Variants in PDE1C observed in about 807,000 individuals in gnomAD.
PDE1C encodes phosphodiesterase 1C, also known as dual specificity calcium/calmodulin-dependent 3',5'-cyclic nucleotide phosphodiesterase 1C.
Under a neutral mutation model 93.1 loss-of-function variants are expected in PDE1C, and 62 were observed. That is an observed-to-expected ratio of 0.67 (90% confidence interval 0.54 to 0.82). The LOEUF (loss-of-function observed/expected upper bound fraction) is 0.82, where lower values mean the gene tolerates loss of function less well. Ranked by LOEUF, PDE1C falls within the 40% of genes least tolerant of loss-of-function variation. The pLI, the probability that PDE1C is intolerant of heterozygous loss-of-function variation, is 0.00. For missense variants in PDE1C, 742 were observed against 884.6 expected (o/e 0.84, Z 2.04); for synonymous variants, 325 against 310.1 (o/e 1.05, Z -0.50).
Position 32,050,119 on chromosome 7 carries a change from C to T in PDE1C, c.128+1435G>A, listed in dbSNP as rs560597942. On this transcript the variant is annotated intron_variant, in intron 2 of 17. Coordinates refer to ENST00000396191, the MANE Select transcript of PDE1C (RefSeq NM_001191057.4). ...AACATAGAAAAGCTAATGCATTGTACTACAATGTTACTGCAGCTACTATGT... is the reference window on the plus strand; with the variant it reads ...AACATAGAAAAGCTAATGCATTGTATTACAATGTTACTGCAGCTACTATGT... 2.0e-5 allele frequency among the ~76,000 whole-genome samples: 3 copies of T among 152,288 alleles called. No homozygotes were observed. In the East Asian group the frequency reaches 5.8e-4, roughly 29 times the overall value.
chr7:32,119,255 A>G (rs919912878), intron 3 of PDE1C, among the ~76,000 whole-genome samples: 2 of 152,120 alleles, frequency 1.3e-5, no homozygotes, highest in Non-Finnish European at 2.9e-5. Flanking sequence ...CTAAGCCAAA[A>G]CTGCCAGCTG....
intron 2 of PDE1C, among the ~76,000 whole-genome samples, chr7:32,000,181 G>A (rs941735283): frequency 1.3e-5 from 2 of 152,154 alleles, no homozygotes; most frequent in African/African-American, 4.8e-5. Flanking sequence ...TCACCGCTCA[G>A]GAAAGGGGGG....
At chr7:31,836,035 C>T (rs1176984978) in intron 11 of PDE1C, among the ~76,000 whole-genome samples, 2 of 152,222 alleles carry the variant, frequency 1.3e-5, no homozygotes, top group African/African-American at 4.8e-5. Flanking sequence ...TCAGAAGTCT[C>T]TGAATCCATG....
intron 1 of PDE1C, among the ~76,000 whole-genome samples, chr7:32,364,688 G>A (rs1006088921): frequency 6.6e-6 from 1 of 152,210 alleles, no homozygotes; most frequent in African/African-American, 2.4e-5. Context: ...CTTATCTCCT[G>A]TAAGCCACTC....
the PDE1C span, among the ~76,000 whole-genome samples, chr7:31,728,656 C>T: frequency 1.3e-5 from 2 of 152,240 alleles, no homozygotes; most frequent in African/African-American, 4.8e-5. Context: ...CCAGCCTTCC[C>T]TGAGTTCACA....
In PDE1C at chr7:32,243,754, T is replaced by C. The variant is rs547103884; in HGVS notation, c.86-34215A>G. ...AGTTTCTCTGCATGTAAAGGTGGAG[T>C]ATAATAATATCTGCATTTGAAGATA... On this transcript the variant is annotated intron_variant, in intron 1 of 18. Transcript: ENST00000396193. Among the ~76,000 whole-genome samples, 3 of 152,216 alleles carry C rather than the reference T, an allele frequency of 2.0e-5. No homozygotes were observed. In the East Asian group the frequency reaches 5.8e-4, roughly 29 times the overall value.
At chr7:31,750,960 T>C (rs1794113670), downstream of PDE1C, among the ~76,000 whole-genome samples, 1 of 152,192 alleles carries the variant, frequency 6.6e-6, no homozygotes, top group African/African-American at 2.4e-5. Flanking sequence ...CTGACTAAAC[T>C]CTATTATGGG....
chr7:31,738,123 C>T, the PDE1C span, among the ~76,000 whole-genome samples: 36 of 152,228 alleles, frequency 2.4e-4, no homozygotes, highest in African/African-American at 7.2e-4. Flanking sequence ...CCTCCAGCCA[C>T]GCAGCCTAGC....
chr7:32,298,708 C>G, exon 1 of PDE1C: 1 of 1,606,360 alleles, frequency 6.2e-7, no homozygotes, highest in South Asian at 1.1e-5. Context: ...TTTTTGAAGC[C>G]CTCCTTCCTG....
chr7:31,799,493 T>G (rs1290856161), intron 16 of PDE1C, among the ~76,000 whole-genome samples: 1 of 151,660 alleles, frequency 6.6e-6, no homozygotes, highest in Non-Finnish European at 1.5e-5. Flanking sequence ...AAGCTCAGAG[T>G]CATCCATTCC....
intron 6 of PDE1C, 86 bp from the exon 7 acceptor site, chr7:31,865,168 T>G: frequency 7.4e-7 from 1 of 1,354,736 alleles, no homozygotes; most frequent in South Asian, 1.3e-5. Flanking sequence ...GGACTGCTTT[T>G]TCTCTGAAGG....
chr7:32,025,173 T>C (rs1789249705), intron 2 of PDE1C, among the ~76,000 whole-genome samples: 1 of 152,142 alleles, frequency 6.6e-6, no homozygotes, highest in African/African-American at 2.4e-5. Flanking sequence ...TTATCCTCTT[T>C]TCAGAAGATG....
At chr7:31,922,068 C>G (rs1802699770) in intron 2 of PDE1C, among the ~76,000 whole-genome samples, 1 of 152,132 alleles carries the variant, frequency 6.6e-6, no homozygotes, top group Non-Finnish European at 1.5e-5. Context: ...CTCCAAAACT[C>G]ACCTCTTAAA....
chr7:31,783,900 A>T (rs1193935351), intron 16 of PDE1C: 1 of 152,214 alleles, frequency 6.6e-6, no homozygotes, highest in Non-Finnish European at 1.5e-5. Flanking sequence ...ATGGAAGTAC[A>T]TTCTATCACA....
At chr7:31,738,272 A>C in the PDE1C span, among the ~76,000 whole-genome samples, 2 of 152,278 alleles carry the variant, frequency 1.3e-5, no homozygotes, top group South Asian at 4.1e-4. Context: ...GAGACTGGGT[A>C]ATTACAAAGG....
chr7:31,814,507 T>C (rs1217300286), intron 15 of PDE1C, among the ~76,000 whole-genome samples: 1 of 151,934 alleles, frequency 6.6e-6, no homozygotes, highest in Non-Finnish European at 1.5e-5. Context: ...TGTTAAAATA[T>C]TGTTCTCTGA....
At chr7:31,853,677 T>TC (rs1793626153) in intron 7 of PDE1C, among the ~76,000 whole-genome samples, 1 of 6,562 alleles carries the variant, frequency 1.5e-4, no homozygotes, top group Admixed American at 4.3e-3. Flanking sequence ...AGAAGGGAGA[T>TC]AAAAAGCAGG....
At chr7:31,926,970 C>T (rs890088497) in intron 2 of PDE1C, among the ~76,000 whole-genome samples, 1 of 152,164 alleles carries the variant, frequency 6.6e-6, no homozygotes, top group Non-Finnish European at 1.5e-5. Flanking sequence ...GAACCGTTCA[C>T]TCCCCTGGAA....
chr7:32,349,039 G>A (rs1469055808), intron 1 of PDE1C, among the ~76,000 whole-genome samples: 1 of 152,208 alleles, frequency 6.6e-6, no homozygotes, highest in Admixed American at 6.5e-5. Context: ...AGCCATCAAA[G>A]AACCAACCAA....
Sources: allele counts gnomAD v4.1 joint callset (sites outside exome capture counted in the v4.1 genomes callset), GRCh38; gene constraint gnomAD v4.1.1; transcripts MANE v1.5; gene names NCBI Gene and HGNC (gene_info 2026-07-23, HGNC 2026-07-21).